The following EDIL3 variants were observed in gnomAD, a reference collection of about 807,000 sequenced individuals.
EDIL3 encodes EGF like and discoidin domains 3, also known as EGF-like repeat and discoidin I-like domain-containing protein 3.
Under a neutral mutation model 67.4 loss-of-function variants are expected in EDIL3, and 37 were observed. That is an observed-to-expected ratio of 0.55 (90% confidence interval 0.42 to 0.72). The LOEUF (loss-of-function observed/expected upper bound fraction) is 0.72. Among genes scored for constraint, EDIL3 ranks in the 30% least tolerant of loss-of-function variants. The pLI, the probability that EDIL3 is intolerant of heterozygous loss-of-function variation, is 0.00. For synonymous variants in EDIL3, 195 were observed against 196.3 expected, an observed-to-expected ratio of 0.99 and a Z score of 0.05; for missense variants, 527 against 586.3, an observed-to-expected ratio of 0.90 and a Z score of 1.04.
chr5:83,974,765 ATTAAT>A (rs1327955987), intron 9 of EDIL3, among the ~76,000 whole-genome samples: 2 of 152,090 alleles, frequency 1.3e-5, no homozygotes, highest in East Asian at 3.9e-4. Flanking sequence ...TCATATTTAT[ATTAAT>A]TTATTTATTG....
At chr5:84,375,951 T>C (rs929137576) in intron 1 of EDIL3, among the ~76,000 whole-genome samples, 1 of 152,172 alleles carries the variant, frequency 6.6e-6, no homozygotes, top group Non-Finnish European at 1.5e-5. Flanking sequence ...CTAAAATAAT[T>C]ACTAGTGAAA....
At chr5:83,980,240 T>TG (rs1464466074) in intron 9 of EDIL3, among the ~76,000 whole-genome samples, 1 of 125,898 alleles carries the variant, frequency 7.9e-6, no homozygotes, top group East Asian at 2.0e-4. Context: ...GAGGTGTGTG[T>TG]TTTTTTTTTG....
At chr5:84,304,550 C>A (rs919572499) in intron 1 of EDIL3, among the ~76,000 whole-genome samples, 5 of 152,166 alleles carry the variant, frequency 3.3e-5, no homozygotes, top group Non-Finnish European at 5.9e-5. Context: ...GAAAAAAGTT[C>A]TAGTTCTATG....
rs1287073891 is a variant in EDIL3 at position 84,268,156 on chromosome 5, T to A, written c.68-13944A>T. ...CGTCTCCAATAAATAAATAAATAAA[T>A]AAATAAATAACAATAATAATTTGGC... On this transcript the variant is annotated intron_variant, in intron 1 of 10. Transcript: ENST00000296591. Among the ~76,000 whole-genome samples, 9 of 151,886 alleles carry A rather than the reference T, an allele frequency of 5.9e-5. No homozygotes were observed. The East Asian group carries it at 1.6e-3, about 26-fold the overall frequency.
At chr5:84,149,925 G>C (rs1748357727) in intron 4 of EDIL3, among the ~76,000 whole-genome samples, 1 of 151,784 alleles carries the variant, frequency 6.6e-6, no homozygotes, top group Non-Finnish European at 1.5e-5. Flanking sequence ...AAAATATACA[G>C]AAAAAAATCT....
intron 6 of EDIL3, among the ~76,000 whole-genome samples, chr5:84,093,536 C>T (rs777904280): frequency 7.2e-5 from 11 of 151,792 alleles, no homozygotes; most frequent in Non-Finnish European, 4.4e-5. Context: ...CCATGCAGTG[C>T]ATGTATTGAA....
rs150624517 is a variant in EDIL3, at chr5:84,035,031, C to T, written c.1137+25269G>A. ...TTTTGTCATAGACTGTAAGACCATA[C>T]TGATGTTTTTTTAAAATTGAGATTA... On this transcript the variant is annotated intron_variant, in intron 9 of 10. Coordinates refer to ENST00000296591, the MANE Select transcript of EDIL3 (RefSeq NM_005711.5). 2.1e-3 allele frequency among the ~76,000 whole-genome samples: 326 copies of T among 152,092 alleles called. 5 individuals are homozygous for T. Among genetic ancestry groups the T allele is most frequent in the East Asian group, 0.012 (64 of 5,178 alleles).
At chr5:83,973,817 AG>A (rs1266106442) in intron 9 of EDIL3, among the ~76,000 whole-genome samples, 1 of 152,038 alleles carries the variant, frequency 6.6e-6, no homozygotes, top group Non-Finnish European at 1.5e-5. Context: ...TTGGTGCAAA[AG>A]TAATTGTGGT....
intron 1 of EDIL3, among the ~76,000 whole-genome samples, chr5:84,313,222 T>C (rs989024429): frequency 5.9e-5 from 9 of 152,216 alleles, no homozygotes; most frequent in Non-Finnish European, 1.0e-4. Context: ...AACATGCCAA[T>C]TTAAATTCAA....
chr5:84,199,399 G>C (rs553090080), intron 3 of EDIL3, among the ~76,000 whole-genome samples: 1 of 152,042 alleles, frequency 6.6e-6, no homozygotes, highest in African/African-American at 2.4e-5. Context: ...AGCACCTTCT[G>C]GGAGATGGTT....
intron 9 of EDIL3, among the ~76,000 whole-genome samples, chr5:84,007,567 T>C (rs1442807736): frequency 6.6e-6 from 1 of 152,046 alleles, no homozygotes; most frequent in Admixed American, 6.6e-5. Flanking sequence ...AAATAAAAAC[T>C]ACAGTTAGAT....
intron 3 of EDIL3, among the ~76,000 whole-genome samples, chr5:84,184,670 G>C (rs1220214387): frequency 1.3e-5 from 2 of 152,174 alleles, no homozygotes; most frequent in Non-Finnish European, 2.9e-5. Context: ...AGAGATTCAA[G>C]AATCCAATGG....
chr5:84,286,851 C>T (rs867315638), intron 1 of EDIL3, among the ~76,000 whole-genome samples: 1 of 152,144 alleles, frequency 6.6e-6, no homozygotes, highest in Admixed American at 6.6e-5. Context: ...AGTGGGGCAG[C>T]CTGTATGTAC....
intron 1 of EDIL3, among the ~76,000 whole-genome samples, chr5:84,360,456 T>G (rs1210269684): frequency 1.3e-5 from 2 of 152,172 alleles, no homozygotes; most frequent in Non-Finnish European, 2.9e-5. Context: ...CCAAGGTGTT[T>G]GAATCCTGGA....
chr5:84,107,170 GGA>G (rs2112284032), intron 5 of EDIL3, among the ~76,000 whole-genome samples: 1 of 152,014 alleles, frequency 6.6e-6, no homozygotes, highest in African/African-American at 2.4e-5. Flanking sequence ...TTATATTCCC[GGA>G]GATTAGCATG....
intron 2 of EDIL3, among the ~76,000 whole-genome samples, chr5:84,247,758 G>A (rs2112068130): frequency 6.6e-6 from 1 of 151,910 alleles, no homozygotes; most frequent in African/African-American, 2.4e-5. Context: ...ATATATATAT[G>A]TATTTTTTAC....
chr5:83,954,597 G>T (rs1744480137), intron 10 of EDIL3, among the ~76,000 whole-genome samples: 1 of 151,662 alleles, frequency 6.6e-6, no homozygotes, highest in South Asian at 2.1e-4. Flanking sequence ...AGCAGATTCT[G>T]TTGCCATTCT....
chr5:84,054,517 T>C (rs920098770), intron 9 of EDIL3, among the ~76,000 whole-genome samples: 81 of 152,276 alleles, frequency 5.3e-4, no homozygotes, highest in Admixed American at 5.1e-3. Context: ...GGAAGTCAAA[T>C]TGTCCCTGTT....
chr5:84,332,575 T>C (rs1746895289), intron 1 of EDIL3, among the ~76,000 whole-genome samples: 3 of 152,192 alleles, frequency 2.0e-5, no homozygotes, highest in South Asian at 4.1e-4. Flanking sequence ...GCAGAAGACA[T>C]GTCAGGATCT....
Sources: allele counts gnomAD v4.1 joint callset (sites outside exome capture counted in the v4.1 genomes callset), GRCh38; gene constraint gnomAD v4.1.1; transcripts MANE v1.5; gene names NCBI Gene and HGNC (gene_info 2026-07-23, HGNC 2026-07-21).